Variants in DAGLB observed in about 807,000 individuals in gnomAD.
DAGLB encodes the protein diacylglycerol lipase-beta.
A neutral mutation model predicts 72.1 loss-of-function variants in DAGLB; 66 were observed. The ratio of observed to expected loss-of-function variants is 0.92; its 90% confidence interval spans 0.75 to 1.12. The LOEUF is 1.12. Among genes scored for constraint, DAGLB ranks in the 50% most tolerant of loss-of-function variants. DAGLB has a pLI of 0.00. For synonymous variants in DAGLB, 414 were observed against 359.5 expected (o/e 1.15, Z -1.71); for missense variants, 1,065 against 884.9 (o/e 1.20, Z -2.58).
intron 4 of DAGLB, among the ~76,000 whole-genome samples, chr7:6,433,466 G>C (rs762947629): frequency 3.9e-5 from 6 of 152,090 alleles, no homozygotes; most frequent in African/African-American, 4.8e-5. Context: ...GTCTTCTTAG[G>C]CCTGACATGT....
rs1783652065 is a variant in DAGLB at position 6,409,703 on chromosome 7, G to A, written c.*134C>T. The A allele has an allele frequency of 2.9e-6, 3 of 1,042,184 alleles. No individual in the cohort carries two copies. The highest frequency in any genetic ancestry group is 3.3e-5 in the South Asian group (2 of 60,710). The allele number at this position is 1,042,184 out of a possible 1,614,324, so 64.6% of individuals were successfully genotyped here. Reference sequence around the variant, plus strand: ...ATAAACTTAAGTCATTGAGACCATGGAATTCTGTTCCCATCCGATTCCTGT... The same window carrying A: ...ATAAACTTAAGTCATTGAGACCATGAAATTCTGTTCCCATCCGATTCCTGT... On this transcript the variant is annotated 3_prime_UTR_variant, in exon 15 of 15. Transcript: ENST00000297056.
At chr7:6,428,580 T>G (rs956108375) in intron 6 of DAGLB, among the ~76,000 whole-genome samples, 1 of 150,668 alleles carries the variant, frequency 6.6e-6, no homozygotes, top group Admixed American at 6.6e-5. Flanking sequence ...TCCAACTCCC[T>G]GGTTCAAGCG....
chr7:6,415,576 T>C (rs836505), intron 11 of DAGLB, among the ~76,000 whole-genome samples: 9,884 of 148,818 alleles, frequency 0.066, 802 homozygotes, highest in African/African-American at 0.19. Context: ...TGGTGGCTCA[T>C]GCCTGTAATC....
intron 1 of DAGLB, 143 bp from the exon 2 acceptor site, chr7:6,446,247 T>A (rs1459375261): frequency 1.5e-6 from 1 of 682,846 alleles, no homozygotes; most frequent in Non-Finnish European, 2.2e-6. Flanking sequence ...GGTGGGCGGA[T>A]CACAAGGTCA....
At chr7:6,415,231 C>T (rs969843605) in intron 11 of DAGLB, among the ~76,000 whole-genome samples, 1 of 151,678 alleles carries the variant, frequency 6.6e-6, no homozygotes, top group African/African-American at 2.4e-5. Flanking sequence ...TTAATGTCTG[C>T]CTCTGTAGAC....
chr7:6,411,881 T>A (rs1783740768), intron 13 of DAGLB, among the ~76,000 whole-genome samples: 1 of 152,180 alleles, frequency 6.6e-6, no homozygotes, highest in African/African-American at 2.4e-5. Context: ...TAAGTTTTTT[T>A]TCTTTTGAAC....
Sources: gnomAD v4.1 joint callset for allele counts (sites outside exome capture counted in the v4.1 genomes callset) on GRCh38, gnomAD v4.1.1 for gene constraint, MANE v1.5 for transcripts, NCBI Gene and HGNC (gene_info 2026-07-23, HGNC 2026-07-21) for gene names.